Variants in MAML1 observed in about 807,000 individuals in gnomAD.
The protein encoded by MAML1 is mastermind-like protein 1.
Under a neutral mutation model 77.1 loss-of-function variants are expected in MAML1, and 14 were observed. The ratio of observed to expected loss-of-function variants is 0.18; its 90% CI spans 0.12 to 0.28. MAML1 has a LOEUF of 0.28. Ranked by LOEUF, MAML1 falls within the 10% of genes least tolerant of loss-of-function variation. The pLI, the probability that MAML1 is intolerant of heterozygous loss-of-function variation, is 1.00. For synonymous variants in MAML1, 516 were observed against 551.9 expected (o/e 0.93, Z 0.91); for missense variants, 1,217 against 1,327.8 (o/e 0.92, Z 1.30).
chr5:179,738,011 G>A (rs1581921940), intron 1 of MAML1, among the ~76,000 whole-genome samples: 2 of 152,182 alleles, frequency 1.3e-5, no homozygotes, highest in East Asian at 1.9e-4. Flanking sequence ...TTGCCTGGCC[G>A]AAAGTTGATT....
chr5:179,741,593 G>A (rs1486458406), intron 1 of MAML1, among the ~76,000 whole-genome samples: 4 of 150,996 alleles, frequency 2.6e-5, no homozygotes, highest in Non-Finnish European at 5.9e-5. Flanking sequence ...GGCTGAGGCA[G>A]GATAATCACT....
chr5:179,768,315 G>T (rs547001024), intron 2 of MAML1, among the ~76,000 whole-genome samples: 1 of 152,320 alleles, frequency 6.6e-6, no homozygotes, highest in Non-Finnish European at 1.5e-5. Flanking sequence ...AAATTAGCCA[G>T]GTGTGGTGGC....
At chr5:179,755,202 G>C (rs11738962) in intron 1 of MAML1, among the ~76,000 whole-genome samples, 118,071 of 152,142 alleles carry the variant, frequency 0.78, 46,700 homozygotes, top group Non-Finnish European at 0.86. Context: ...ACAGCACTTA[G>C]CCTGTAGGTT....
In MAML1 at chr5:179,755,286, A is replaced by C. The variant is rs529131375; in HGVS notation, c.316-10040A>C. Among the ~76,000 whole-genome samples, 58 of 152,342 alleles carry C rather than the reference A, an allele frequency of 3.8e-4. 1 individual carries two copies. Among genetic ancestry groups the C allele is most frequent in the African/African-American group, 1.2e-3 (51 of 41,580 alleles). ...GAGAGAGCGAGCCTGGGAAACAAAA[A>C]GACAAAGAACAGAGTGACCTTGACT... is the stretch of plus-strand genomic sequence containing the variant. On this transcript the variant is annotated intron_variant, in intron 1 of 4. Coordinates refer to ENST00000292599, the MANE Select transcript of MAML1 (RefSeq NM_014757.5).
Position 179,771,371 on chromosome 5 carries a change from T to G in MAML1, c.2068+128T>G. 1 of 754,212 alleles carries G rather than the reference T, an allele frequency of 1.3e-6. No individual in the cohort carries two copies. The highest frequency in any genetic ancestry group is 2.2e-6 in the Non-Finnish European group (1 of 457,232). 46.7% of individuals were successfully genotyped at this position (754,212 alleles called of 1,614,324 possible). A position where few individuals can be genotyped will look rare whatever the true frequency, so the allele number is the denominator to read the frequency against. On this transcript the variant is annotated intron_variant, in intron 4 of 4. Coordinates refer to ENST00000292599, the MANE Select transcript of MAML1 (RefSeq NM_014757.5). This position sits in a 1 kb window ranked among gnomAD's most constrained non-coding sequence, Gnocchi z 4.7. ...TGCATGCATTGTCATCATATACACC[T>G]CAGTTTGCCTAAGGGGCCTGGTTTT...
chr5:179,742,070 A>G (rs146654045), intron 1 of MAML1, among the ~76,000 whole-genome samples: 1 of 151,586 alleles, frequency 6.6e-6, no homozygotes, highest in East Asian at 2.0e-4. Flanking sequence ...ACGGGGTTTC[A>G]CCATGTTTGC....
chr5:179,750,523 C>T (rs558356029), intron 1 of MAML1, among the ~76,000 whole-genome samples: 28 of 152,202 alleles, frequency 1.8e-4, no homozygotes, highest in Non-Finnish European at 3.7e-4. Flanking sequence ...TACAGTGGCC[C>T]GATCTAGGCT....
chr5:179,754,790 T>C (rs1038589124), intron 1 of MAML1, among the ~76,000 whole-genome samples: 1 of 152,150 alleles, frequency 6.6e-6, no homozygotes, highest in African/African-American at 2.4e-5. Flanking sequence ...CAGGTGATGC[T>C]GATGCTACTG....
Position 179,765,904 on chromosome 5 carries a change from T to G in MAML1, c.894T>G (p.Ile298Met), listed in dbSNP as rs1300885954. The stretch of plus-strand genomic sequence containing the variant: ...CCCCCTTGGCACAGGACATTAATAT[T>G]AAGACGGAATTCTCTCCAGCAGCCT... ...TQTPLAQDIN[I>M]KTEFSPAAFE... Residue 298 changes from isoleucine to methionine, a missense_variant, in exon 2 of 5, where the codon ATT becomes ATG. Around this residue, in one of 3 missense-constraint regions of MAML1, gnomAD observed 884 missense variants for 949.3 expected, o/e 0.93. Transcript: ENST00000292599. The G allele has an allele frequency of 6.2e-7, 1 of 1,614,134 alleles. No individual in the cohort carries two copies.
intron 1 of MAML1, among the ~76,000 whole-genome samples, chr5:179,762,910 A>G (rs1024204145): frequency 1.3e-5 from 2 of 152,224 alleles, no homozygotes; most frequent in African/African-American, 4.8e-5. Flanking sequence ...GGTTAAAAGC[A>G]ATAGGTATTA....
chr5:179,738,713 A>G (rs1779221125), intron 1 of MAML1, among the ~76,000 whole-genome samples: 1 of 151,346 alleles, frequency 6.6e-6, no homozygotes, highest in Non-Finnish European at 1.5e-5. Context: ...TATGCCTTCT[A>G]CCTCTTCTAT....
chr5:179,758,388 T>TTTTTC (rs150290121), intron 1 of MAML1, among the ~76,000 whole-genome samples: 35,645 of 148,322 alleles, frequency 0.24, 4,624 homozygotes, highest in Non-Finnish European at 0.3. Flanking sequence ...TTTTTTTTTC[T>TTTTTC]TTTTCTTTTC....
Position 179,733,170 on chromosome 5 carries a change from A to G in MAML1, c.58A>G (p.Met20Val), listed in dbSNP as rs1337967741. Reference sequence around the variant, plus strand: ...CGCGCTGCCGCGGCACAGCGCGGTCATGGAGCGCCTTCGCCGGCGCATCGA... The same window carrying G: ...CGCGCTGCCGCGGCACAGCGCGGTCGTGGAGCGCCTTCGCCGGCGCATCGA... ...EFALPRHSAV[M>V]ERLRRRIELC... Residue 20 changes from methionine (M) to valine (V), a missense_variant, in exon 1 of 5, where the codon ATG (methionine) becomes GTG (valine). By Grantham distance (21) the Met-to-Val change is conservative. Around this residue, in one of 3 missense-constraint regions of MAML1, gnomAD observed 312 missense variants for 331.4 expected, o/e 0.94. Transcript: ENST00000292599. 7.5e-6 allele frequency: 11 copies of G among 1,468,992 alleles called. No individual in the cohort carries two copies. The highest frequency in any genetic ancestry group is 6.1e-5 in the East Asian group (2 of 33,010). 91.0% of individuals were successfully genotyped at this position (1,468,992 alleles called of 1,614,324 possible).
In MAML1 at chr5:179,766,765, GTT is replaced by G; in HGVS notation, c.1731+25_1731+26del. On this transcript the variant is annotated intron_variant, in intron 2 of 4. Coordinates refer to ENST00000292599, the MANE Select transcript of MAML1 (RefSeq NM_014757.5). This position sits in a 1 kb window ranked among gnomAD's most constrained non-coding sequence, Gnocchi z 4.0. Reference sequence around the variant, plus strand: ...AGGTAAGTATGAGCCTTTGCTTTCTGTTCCTCTGCTGCAGACACTTCAGTGAG... The same window carrying G: ...AGGTAAGTATGAGCCTTTGCTTTCTGCCTCTGCTGCAGACACTTCAGTGAG... The G allele has an allele frequency of 6.6e-7, 1 of 1,503,994 alleles. No homozygotes were observed. Among genetic ancestry groups the G allele is most frequent in the South Asian group, 1.3e-5 (1 of 74,586 alleles). The allele number at this position is 1,503,994 out of a possible 1,614,324, so 93.2% of individuals were successfully genotyped here.
intron 1 of MAML1, among the ~76,000 whole-genome samples, chr5:179,741,522 T>C (rs1779283355): frequency 6.6e-6 from 1 of 151,568 alleles, no homozygotes; most frequent in Non-Finnish European, 1.5e-5. Flanking sequence ...CCGTCTCTGG[T>C]AAAAAATACA....
chr5:179,758,967 C>T (rs1779675592), intron 1 of MAML1, among the ~76,000 whole-genome samples: 1 of 151,160 alleles, frequency 6.6e-6, no homozygotes, highest in African/African-American at 2.4e-5. Flanking sequence ...CACTGCACTC[C>T]AACTGGGGCA....
intron 1 of MAML1, among the ~76,000 whole-genome samples, chr5:179,753,691 G>A (rs1367770700): frequency 4.1e-5 from 4 of 98,450 alleles, no homozygotes; most frequent in East Asian, 3.1e-4. Flanking sequence ...GCAGAGTTTC[G>A]CCCTTGTTGC....
chr5:179,766,291 G>A lies in MAML1; in HGVS notation c.1281G>A (p.Met427Ile). The change falls in exon 2 of 5, where the codon ATG (methionine) becomes ATA (isoleucine). Residue 427 changes from methionine to isoleucine, a missense_variant. Transcript: ENST00000292599. The surrounding 1 kb of genome is among the most constrained non-coding windows in gnomAD (Gnocchi z 4.0). ...QATPAPAPGQ[M>I]STWQQTGPSH... ...CCCCGGCACCAGCCCCGGGCCAGATGTCCACATGGCAGCAGACGGGGCCCT... is the reference window on the plus strand; with the variant it reads ...CCCCGGCACCAGCCCCGGGCCAGATATCCACATGGCAGCAGACGGGGCCCT... 3.1e-6 allele frequency: 5 copies of A among 1,613,706 alleles called. No homozygotes were observed. In the South Asian group the frequency reaches 3.3e-5, roughly 11 times the overall value.
rs950973355 is a variant in MAML1, at chr5:179,777,037, A to G, written c.*2160A>G. Reference sequence around the variant, plus strand: ...GATGGAATAAGCGCTAGAGCTTCCAACTGTATATTTTTTACTTTTATAGAT... The same window carrying G: ...GATGGAATAAGCGCTAGAGCTTCCAGCTGTATATTTTTTACTTTTATAGAT... On this transcript the variant is annotated 3_prime_UTR_variant, in exon 5 of 5. Coordinates refer to ENST00000292599, the MANE Select transcript of MAML1 (RefSeq NM_014757.5). 1 of 983,754 alleles carries G rather than the reference A, an allele frequency of 1.0e-6. No homozygotes were observed. Among genetic ancestry groups the G allele is most frequent in the African/African-American group, 1.7e-5 (1 of 57,332 alleles). The allele number at this position is 983,754 out of a possible 1,614,324, so 60.9% of individuals were successfully genotyped here. A position where few individuals can be genotyped will look rare whatever the true frequency, so the allele number is the denominator to read the frequency against.
Sources: allele counts gnomAD v4.1 joint callset (sites outside exome capture counted in the v4.1 genomes callset), GRCh38; gene constraint gnomAD v4.1.1; regional missense constraint gnomAD v4.1.1; non-coding constraint Gnocchi (gnomAD v3.1); transcripts MANE v1.5; gene names NCBI Gene and HGNC (gene_info 2026-07-23, HGNC 2026-07-21).